The following NR3C2 variants were observed in gnomAD, a reference collection of about 807,000 sequenced individuals.
NR3C2 encodes the protein nuclear receptor subfamily 3 group C member 2, also known as mineralocorticoid receptor.
A neutral mutation model predicts 86.4 loss-of-function variants in NR3C2; 15 were observed. The ratio of observed to expected loss-of-function variants is 0.17; its 90% CI spans 0.12 to 0.27. The LOEUF is 0.27. Among genes scored for constraint, NR3C2 ranks in the 10% least tolerant of loss-of-function variants. The pLI is 1.00. For missense variants in NR3C2, 960 were observed against 1,195.6 expected, an observed-to-expected ratio of 0.80 and a Z score of 2.91; for synonymous variants, 458 against 450.5, an observed-to-expected ratio of 1.02 and a Z score of -0.21.
Position 148,427,837 on chromosome 4 carries a change from T to C in NR3C2, c.1757+7267A>G, listed in dbSNP as rs145952963. ...AGGCAAAGGGACACAGAAACCACTC[T>C]CAATGGGCTTCCATTGGCTTAATCA... On this transcript the variant is annotated intron_variant, in intron 2 of 8. Coordinates refer to ENST00000358102, the MANE Select transcript of NR3C2 (RefSeq NM_000901.5). Among the ~76,000 whole-genome samples, 6 of 152,218 alleles carry C rather than the reference T, an allele frequency of 3.9e-5. No individual in the cohort carries two copies. The East Asian group carries it at 1.2e-3, about 30-fold the overall frequency.
At chr4:148,100,568 T>G (rs749562277) in intron 8 of NR3C2, among the ~76,000 whole-genome samples, 1 of 152,082 alleles carries the variant, frequency 6.6e-6, no homozygotes, top group Non-Finnish European at 1.5e-5. Flanking sequence ...TCCCAGAAAA[T>G]AACAAGTGAT....
chr4:148,121,112 C>T (rs775471686), intron 6 of NR3C2, among the ~76,000 whole-genome samples: 3 of 152,152 alleles, frequency 2.0e-5, no homozygotes, highest in Middle Eastern at 3.4e-3. Context: ...GTGACCAGAC[C>T]GTAAAAAGTG....
intron 2 of NR3C2, among the ~76,000 whole-genome samples, chr4:148,263,300 T>C (rs1740223007): frequency 6.6e-6 from 1 of 152,134 alleles, no homozygotes; most frequent in African/African-American, 2.4e-5. Context: ...TGTGAAAGAG[T>C]ACTGCCATCT....
intron 2 of NR3C2, among the ~76,000 whole-genome samples, chr4:148,366,614 C>A (rs1195550684): frequency 6.7e-6 from 1 of 149,890 alleles, no homozygotes; most frequent in Non-Finnish European, 1.5e-5. Flanking sequence ...CAAAATGAAA[C>A]AACATGTCTC....
intron 4 of NR3C2, 134 bp from the exon 5 acceptor site, chr4:148,155,035 A>C (rs1396883645): frequency 8.1e-6 from 6 of 741,976 alleles, no homozygotes; most frequent in Admixed American, 2.2e-5. Context: ...TATTCCACTA[A>C]GAGAAAATAT....
chr4:148,085,861 A>C (rs905185295), intron 8 of NR3C2, among the ~76,000 whole-genome samples: 2 of 152,234 alleles, frequency 1.3e-5, no homozygotes, highest in African/African-American at 4.8e-5. Context: ...ACCTCTATGC[A>C]AATAAACTAG....
chr4:148,424,694 G>A (rs1271078827), intron 2 of NR3C2, among the ~76,000 whole-genome samples: 1 of 150,916 alleles, frequency 6.6e-6, no homozygotes, highest in Admixed American at 6.6e-5. Flanking sequence ...GCTACATAGA[G>A]TTTATAGACA....
chr4:148,197,245 C>T (rs1736484449), intron 3 of NR3C2, among the ~76,000 whole-genome samples: 1 of 152,138 alleles, frequency 6.6e-6, no homozygotes, highest in Non-Finnish European at 1.5e-5. Flanking sequence ...ACTCTACTAG[C>T]CAGCATTTCT....
chr4:148,440,353 T>C (rs756689090), intron 1 of NR3C2, among the ~76,000 whole-genome samples: 5 of 152,260 alleles, frequency 3.3e-5, no homozygotes, highest in Non-Finnish European at 7.3e-5. Context: ...ACAATGACCA[T>C]GGCTTGAGCA....
At chr4:148,126,022 C>T (rs772055859) in intron 6 of NR3C2, among the ~76,000 whole-genome samples, 5 of 152,220 alleles carry the variant, frequency 3.3e-5, no homozygotes, top group Non-Finnish European at 7.3e-5. Context: ...GAGCACAACA[C>T]AACACGCATT....
In NR3C2 at chr4:148,176,567, A is replaced by G. The variant is rs376887189; in HGVS notation, c.2014+18179T>C. Among the ~76,000 whole-genome samples, 204 of 152,346 alleles carry G rather than the reference A, an allele frequency of 1.3e-3. 1 individual carries two copies. The highest frequency in any genetic ancestry group is 4.6e-3 in the African/African-American group (192 of 41,592). ...CAAGGAGTTACAGATATCACTTTGA[A>G]GCAAAGAGAAAGAACTCTGGGGATT... On this transcript the variant is annotated intron_variant, in intron 4 of 8. Coordinates refer to ENST00000358102, the MANE Select transcript of NR3C2 (RefSeq NM_000901.5).
At chr4:148,223,853 C>T (rs536271268) in intron 3 of NR3C2, among the ~76,000 whole-genome samples, 1 of 152,100 alleles carries the variant, frequency 6.6e-6, no homozygotes, top group African/African-American at 2.4e-5. Flanking sequence ...GAAGAACTGC[C>T]AAGTTTGCAG....
chr4:148,383,868 AATCAGGG>A (rs1265630384), intron 2 of NR3C2, among the ~76,000 whole-genome samples: 2 of 151,728 alleles, frequency 1.3e-5, no homozygotes, highest in African/African-American at 4.8e-5. Flanking sequence ...GAATTGCTTG[AATCAGGG>A]AGGTGGAGGT....
At chr4:148,082,747 G>A (rs1438126862) in intron 8 of NR3C2, among the ~76,000 whole-genome samples, 1 of 150,960 alleles carries the variant, frequency 6.6e-6, no homozygotes, top group East Asian at 1.9e-4. Flanking sequence ...AAAGGGGGCC[G>A]AAGCCAAGGA....
chr4:148,320,688 T>C (rs1249324436), intron 2 of NR3C2, among the ~76,000 whole-genome samples: 2 of 152,036 alleles, frequency 1.3e-5, no homozygotes, highest in Admixed American at 6.5e-5. Flanking sequence ...TATTCTCTGA[T>C]GGTAGTTTGT....
At chr4:148,147,229 A>G (rs528004914) in intron 6 of NR3C2, among the ~76,000 whole-genome samples, 37 of 152,358 alleles carry the variant, frequency 2.4e-4, no homozygotes, top group African/African-American at 8.2e-4. Context: ...CTCCATCTCC[A>G]GTGATGCTAA....
chr4:148,251,861 T>A (rs1739594794), intron 3 of NR3C2, among the ~76,000 whole-genome samples: 1 of 152,190 alleles, frequency 6.6e-6, no homozygotes, highest in South Asian at 2.1e-4. Flanking sequence ...TATAGCAAGA[T>A]AACTGTTAAA....
At chr4:148,155,266 C>G (rs74734620) in intron 4 of NR3C2, among the ~76,000 whole-genome samples, 5 of 152,094 alleles carry the variant, frequency 3.3e-5, no homozygotes, top group South Asian at 2.1e-4. Context: ...CCAACTGCAC[C>G]GCAGTGCAGG....
At chr4:148,313,238 C>G (rs1182636930) in intron 2 of NR3C2, among the ~76,000 whole-genome samples, 1 of 152,158 alleles carries the variant, frequency 6.6e-6, no homozygotes, top group Non-Finnish European at 1.5e-5. Flanking sequence ...TATTAAAACA[C>G]ACACAAAAAA....
Sources: gnomAD v4.1 joint callset for allele counts (sites outside exome capture counted in the v4.1 genomes callset) on GRCh38, gnomAD v4.1.1 for gene constraint, MANE v1.5 for transcripts, NCBI Gene and HGNC (gene_info 2026-07-23, HGNC 2026-07-21) for gene names.